GPR158: variants seen among roughly 807,000 people sequenced by gnomAD.
GPR158 encodes the protein G protein-coupled receptor 158.
A neutral mutation model predicts 78.2 loss-of-function variants in GPR158; 30 were observed. The observed-to-expected ratio is 0.38, with a 90% CI of 0.29 to 0.52. The LOEUF (loss-of-function observed/expected upper bound fraction) is 0.52, where lower values mean the gene tolerates loss of function less well. Ranked by LOEUF, GPR158 falls within the 20% of genes least tolerant of loss-of-function variation. GPR158 has a pLI of 0.83. For synonymous variants in GPR158, 581 were observed against 591.1 expected, an observed-to-expected ratio of 0.98 and a Z score of 0.25; for missense variants, 1,463 against 1,523.5, an observed-to-expected ratio of 0.96 and a Z score of 0.66.
chr10:25,597,433 A>T (rs1837424097), intron 10 of GPR158, among the ~76,000 whole-genome samples: 2 of 152,258 alleles, frequency 1.3e-5, no homozygotes, highest in African/African-American at 4.8e-5. Flanking sequence ...AGAATACATG[A>T]GTTCGTGTCT....
chr10:25,528,985 A>G (rs1836388415), intron 5 of GPR158, among the ~76,000 whole-genome samples: 1 of 152,220 alleles, frequency 6.6e-6, no homozygotes, highest in Non-Finnish European at 1.5e-5. Flanking sequence ...TTGACTTGTT[A>G]TGGAAGTTTC....
chr10:25,521,831 A>G (rs1286371459), intron 5 of GPR158, among the ~76,000 whole-genome samples: 2 of 152,212 alleles, frequency 1.3e-5, no homozygotes, highest in Admixed American at 6.5e-5. Flanking sequence ...AAAAAATCCT[A>G]CAGATATTAG....
chr10:25,220,042 T>A (rs560558991), intron 1 of GPR158, among the ~76,000 whole-genome samples: 2 of 152,352 alleles, frequency 1.3e-5, no homozygotes, highest in African/African-American at 4.8e-5. Flanking sequence ...ATTTTATGTA[T>A]ATGAGTGATA....
chr10:25,223,235 A>G (rs112009707), intron 2 of GPR158, among the ~76,000 whole-genome samples: 2 of 152,312 alleles, frequency 1.3e-5, no homozygotes, highest in African/African-American at 4.8e-5. Flanking sequence ...AAAGAGGCTG[A>G]GTGATCAAAA....
chr10:25,448,628 C>T (rs1396746321), intron 4 of GPR158, among the ~76,000 whole-genome samples: 1 of 152,124 alleles, frequency 6.6e-6, no homozygotes, highest in Non-Finnish European at 1.5e-5. Context: ...AGGTGAATAC[C>T]TAGGAGTAGA....
At chr10:25,374,309 T>A (rs1163580465) in intron 2 of GPR158, among the ~76,000 whole-genome samples, 1 of 151,608 alleles carries the variant, frequency 6.6e-6, no homozygotes, top group Non-Finnish European at 1.5e-5. Context: ...GAGGGAGGTT[T>A]TCTATATTCA....
intron 2 of GPR158, among the ~76,000 whole-genome samples, chr10:25,355,669 T>G (rs552350862): frequency 2.0e-4 from 30 of 152,240 alleles, no homozygotes; most frequent in African/African-American, 7.2e-4. Context: ...TGCTTAAAGA[T>G]TCTTTGTAAT....
At chr10:25,414,727 A>G (rs1026174776) in intron 4 of GPR158, among the ~76,000 whole-genome samples, 1 of 152,162 alleles carries the variant, frequency 6.6e-6, no homozygotes, top group Non-Finnish European at 1.5e-5. Flanking sequence ...TCTCTTTTGT[A>G]GCAATATTGA....
intron 5 of GPR158, among the ~76,000 whole-genome samples, chr10:25,530,728 A>G (rs1836412369): frequency 6.6e-6 from 1 of 152,216 alleles, no homozygotes; most frequent in Admixed American, 6.5e-5. Context: ...GCAATAAGAC[A>G]TCTTTAGAGG....
At chr10:25,295,604 A>C (rs369330416) in intron 2 of GPR158, among the ~76,000 whole-genome samples, 2 of 151,972 alleles carry the variant, frequency 1.3e-5, no homozygotes, top group African/African-American at 4.8e-5. Context: ...TAGTAGAGAC[A>C]GGGTTTCACC....
chr10:25,274,950 G>A (rs966084515), intron 2 of GPR158, among the ~76,000 whole-genome samples: 1 of 152,096 alleles, frequency 6.6e-6, no homozygotes, highest in Non-Finnish European at 1.5e-5. Context: ...TCCAGAAAAC[G>A]ATACTGCTGG....
At chr10:25,569,452 AT>A (rs1213440435) in intron 6 of GPR158, among the ~76,000 whole-genome samples, 16 of 152,324 alleles carry the variant, frequency 1.1e-4, no homozygotes, top group East Asian at 3.9e-4. Context: ...ATCAAAAAAA[AT>A]ATTTATCACA....
At chr10:25,455,916 T>C (rs979735212) in intron 4 of GPR158, among the ~76,000 whole-genome samples, 4 of 152,192 alleles carry the variant, frequency 2.6e-5, no homozygotes, top group African/African-American at 7.2e-5. Context: ...ATACATTCAA[T>C]GTGGACTAAA....
At chr10:25,490,188 A>G (rs1292645563) in intron 5 of GPR158, among the ~76,000 whole-genome samples, 1 of 151,926 alleles carries the variant, frequency 6.6e-6, no homozygotes, top group Non-Finnish European at 1.5e-5. Context: ...GGAAACATAA[A>G]CCTAAACTGG....
intron 1 of GPR158, among the ~76,000 whole-genome samples, chr10:25,208,382 T>G (rs1440131256): frequency 6.6e-6 from 1 of 152,232 alleles, no homozygotes; most frequent in Non-Finnish European, 1.5e-5. Context: ...AGGAAAACAC[T>G]TTTTAAAAGT....
chr10:25,486,054 A>G (rs886466773), intron 5 of GPR158, among the ~76,000 whole-genome samples: 38 of 152,134 alleles, frequency 2.5e-4, no homozygotes, highest in African/African-American at 8.7e-4. Flanking sequence ...CACCAAATCT[A>G]TGGATCCCTT....
At chr10:25,422,852 C>CA (rs1554802452) in intron 4 of GPR158, among the ~76,000 whole-genome samples, 1 of 138,750 alleles carries the variant, frequency 7.2e-6, no homozygotes, top group African/African-American at 2.6e-5. Flanking sequence ...ATTCCCTTAC[C>CA]CCCCCCACAC....
intron 2 of GPR158, among the ~76,000 whole-genome samples, chr10:25,389,371 A>G (rs557075570): frequency 1.5e-4 from 23 of 152,204 alleles, no homozygotes; most frequent in Admixed American, 1.5e-3. Context: ...CCATTTGCAG[A>G]AAGAAATTAA....
At chr10:25,370,007 G>A (rs993473420) in intron 2 of GPR158, among the ~76,000 whole-genome samples, 7 of 144,158 alleles carry the variant, frequency 4.9e-5, no homozygotes, top group South Asian at 4.7e-4. Flanking sequence ...TGGGATCGGT[G>A]GTGATATCCC....
Sources: gnomAD v4.1 joint callset for allele counts (sites outside exome capture counted in the v4.1 genomes callset) on GRCh38, gnomAD v4.1.1 for gene constraint, MANE v1.5 for transcripts, NCBI Gene and HGNC (gene_info 2026-07-23, HGNC 2026-07-21) for gene names.